PRKCA: variants seen among roughly 807,000 people sequenced by gnomAD.
The protein encoded by PRKCA is protein kinase C alpha, also known as protein kinase C alpha type.
PRKCA carries 27 observed loss-of-function variants against 87.0 expected under a neutral mutation model. The observed-to-expected ratio is 0.31, with a 90% CI of 0.23 to 0.43. The LOEUF (loss-of-function observed/expected upper bound fraction) is 0.43, where lower values mean the gene tolerates loss of function less well. Among genes scored for constraint, PRKCA ranks in the 20% least tolerant of loss-of-function variants. PRKCA has a pLI of 1.00. For synonymous variants in PRKCA, 329 were observed against 311.1 expected, an observed-to-expected ratio of 1.06 and a Z score of -0.61; for missense variants, 518 against 852.3, an observed-to-expected ratio of 0.61 and a Z score of 4.88.
chr17:66,786,305 A>C (rs1171659669), intron 14 of PRKCA, among the ~76,000 whole-genome samples: 1 of 152,192 alleles, frequency 6.6e-6, no homozygotes, highest in Non-Finnish European at 1.5e-5. Flanking sequence ...CGGATGAGGG[A>C]GGAGTCCAAT....
rs1598575907 is a variant in PRKCA, at chr17:66,302,841, T to G, written c.-11T>G. ...CTCCCCGGCGGAGGCAAGAGGTGGT[T>G]GGGGGGGACCATGGCTGACGTTTTC... On this transcript the variant is annotated 5_prime_UTR_variant, in exon 1 of 17. Transcript: ENST00000413366. 6.3e-6 allele frequency: 10 copies of G among 1,576,478 alleles called. No homozygotes were observed. The highest frequency in any genetic ancestry group is 1.8e-5 in the Admixed American group (1 of 55,996).
intron 16 of PRKCA, among the ~76,000 whole-genome samples, chr17:66,800,536 C>T (rs1975877661): frequency 6.6e-6 from 1 of 152,236 alleles, no homozygotes; most frequent in African/African-American, 2.4e-5. Flanking sequence ...CTCCAGGCTT[C>T]TCAGTGGGGA....
At chr17:66,328,299 G>C (rs1906112080) in intron 2 of PRKCA, among the ~76,000 whole-genome samples, 1 of 151,952 alleles carries the variant, frequency 6.6e-6, no homozygotes, top group Admixed American at 6.6e-5. Flanking sequence ...TTGAACTCCT[G>C]GCCTCAAGCT....
chr17:66,659,059 T>C (rs1326053632), intron 5 of PRKCA, among the ~76,000 whole-genome samples: 1 of 152,210 alleles, frequency 6.6e-6, no homozygotes, highest in Non-Finnish European at 1.5e-5. Context: ...CTCTCTTTGT[T>C]TCCCTCTCCT....
chr17:66,774,997 T>A, intron 14 of PRKCA: 1 of 985,418 alleles, frequency 1.0e-6, no homozygotes, highest in Non-Finnish European at 1.2e-6. Context: ...ATCTGTGTCA[T>A]CAGGGTGAAT....
Position 66,587,799 on chromosome 17 carries a change from GTATA to G in PRKCA, c.289-53554_289-53551del, listed in dbSNP as rs1567917050. The stretch of plus-strand genomic sequence containing the variant: ...TGTGTGTATATGTATACATATATAC[GTATA>G]TGTGTGTGTATATGTATACATATAT... On this transcript the variant is annotated intron_variant, in intron 3 of 16. Transcript: ENST00000413366. Among the ~76,000 whole-genome samples, 72 of 108,682 alleles carry G rather than the reference GTATA, an allele frequency of 6.6e-4. 2 individuals are homozygous for G. In the East Asian group the frequency reaches 7.6e-3, roughly 12 times the overall value. The allele number at this position is 108,682 out of a possible 152,430, so 71.3% of individuals were successfully genotyped here. A position where few individuals can be genotyped will look rare whatever the true frequency, so the allele number is the denominator to read the frequency against.
chr17:66,697,483 C>T (rs1432064345), intron 8 of PRKCA, among the ~76,000 whole-genome samples: 4 of 152,082 alleles, frequency 2.6e-5, no homozygotes, highest in Non-Finnish European at 5.9e-5. Context: ...TCTGTATTAC[C>T]CCTCCCTCAA....
intron 8 of PRKCA, among the ~76,000 whole-genome samples, chr17:66,714,541 C>A (rs559015698): frequency 6.6e-6 from 1 of 152,120 alleles, no homozygotes; most frequent in Non-Finnish European, 1.5e-5. Context: ...TCTCTTCCCC[C>A]TTCCTGGAAT....
intron 2 of PRKCA, among the ~76,000 whole-genome samples, chr17:66,420,571 G>T (rs1014503992): frequency 6.6e-6 from 1 of 152,178 alleles, no homozygotes; most frequent in East Asian, 1.9e-4. Flanking sequence ...TGCATGAGAT[G>T]ATTTTACCCA....
intron 10 of PRKCA, among the ~76,000 whole-genome samples, chr17:66,737,756 G>A (rs921627566): frequency 6.6e-6 from 1 of 152,256 alleles, no homozygotes; most frequent in Non-Finnish European, 1.5e-5. Context: ...GCCAGGGAGA[G>A]ATGAGAGCAG....
intron 2 of PRKCA, among the ~76,000 whole-genome samples, chr17:66,441,162 CAAAAAAAAAAAAAAAA>C (rs199828612): frequency 1.9e-5 from 2 of 107,176 alleles, no homozygotes; most frequent in Admixed American, 1.9e-4. Context: ...ACTCTGTCTC[CAAAAAAAAAAAAAAAA>C]AAAAAAAAAA....
At chr17:66,781,798 C>G (rs192740781) in intron 14 of PRKCA, among the ~76,000 whole-genome samples, 1 of 150,954 alleles carries the variant, frequency 6.6e-6, no homozygotes, top group East Asian at 1.9e-4. Context: ...CATGAACGTA[C>G]TTAATGCCAC....
At chr17:66,377,720 TA>T (rs60581448) in intron 2 of PRKCA, among the ~76,000 whole-genome samples, 847 of 47,790 alleles carry the variant, frequency 0.018, 32 homozygotes, top group African/African-American at 0.041. Flanking sequence ...TATATATATA[TA>T]TTTTTTTTTT....
chr17:66,428,104 G>A (rs1476778164), intron 2 of PRKCA, among the ~76,000 whole-genome samples: 2 of 152,086 alleles, frequency 1.3e-5, no homozygotes, highest in East Asian at 1.9e-4. Flanking sequence ...CGTAAATGGT[G>A]CTTTTACACA....
chr17:66,371,101 A>T (rs1909081991), intron 2 of PRKCA, among the ~76,000 whole-genome samples: 1 of 152,240 alleles, frequency 6.6e-6, no homozygotes, highest in Non-Finnish European at 1.5e-5. Flanking sequence ...GATATGATGT[A>T]TGTATTTTTG....
At chr17:66,619,706 T>C (rs959303860) in intron 3 of PRKCA, among the ~76,000 whole-genome samples, 2 of 152,046 alleles carry the variant, frequency 1.3e-5, no homozygotes, top group Non-Finnish European at 2.9e-5. Context: ...CTCTTCTCTC[T>C]CCCCGTCTCA....
At chr17:66,519,793 T>C (rs1967096538) in intron 3 of PRKCA, among the ~76,000 whole-genome samples, 1 of 152,226 alleles carries the variant, frequency 6.6e-6, no homozygotes. Context: ...AGGCAGCGGC[T>C]GGGGCCTGGC....
intron 3 of PRKCA, among the ~76,000 whole-genome samples, chr17:66,586,190 G>A (rs1359901226): frequency 6.6e-6 from 1 of 152,170 alleles, no homozygotes; most frequent in Non-Finnish European, 1.5e-5. Flanking sequence ...CAGTAGAGAT[G>A]AGGCTTTGAG....
intron 8 of PRKCA, among the ~76,000 whole-genome samples, chr17:66,710,839 G>A (rs998759596): frequency 2.6e-5 from 4 of 151,446 alleles, no homozygotes; most frequent in Non-Finnish European, 5.9e-5. Flanking sequence ...AGACCAGCCT[G>A]CCCAACATGG....
Sources: allele counts gnomAD v4.1 joint callset (sites outside exome capture counted in the v4.1 genomes callset), GRCh38; gene constraint gnomAD v4.1.1; transcripts MANE v1.5; gene names NCBI Gene and HGNC (gene_info 2026-07-23, HGNC 2026-07-21).